ZNF536: variants seen among roughly 807,000 people sequenced by gnomAD.
ZNF536 encodes the protein zinc finger protein 536.
ZNF536 carries 13 observed loss-of-function variants against 84.5 expected under a neutral mutation model. The observed-to-expected ratio is 0.15, with a 90% confidence interval of 0.10 to 0.24. The LOEUF (loss-of-function observed/expected upper bound fraction) is 0.24, where lower values mean the gene tolerates loss of function less well. ZNF536 is among the 10% of genes least tolerant of loss of function. The probability of loss-of-function intolerance (pLI) is 1.00; values close to 1 mark genes in which losing one functional copy is unlikely to be tolerated. For synonymous variants in ZNF536, 811 were observed against 742.5 expected (o/e 1.09, Z -1.50); for missense variants, 1,536 against 1,747.5 (o/e 0.88, Z 2.16).
chr19:30,523,872 C>T (rs924880337), intron 2 of ZNF536, among the ~76,000 whole-genome samples: 8 of 152,146 alleles, frequency 5.3e-5, no homozygotes, highest in African/African-American at 1.2e-4. Context: ...GCATCCCAGC[C>T]GGGCCTGGTG....
chr19:30,404,914 G>C (rs188240470), intron 1 of ZNF536, among the ~76,000 whole-genome samples: 88 of 152,336 alleles, frequency 5.8e-4, no homozygotes, highest in African/African-American at 1.9e-3. Context: ...TCACGTTGGG[G>C]TTCCCATGAC....
upstream of ZNF536, among the ~76,000 whole-genome samples, chr19:30,372,193 CAG>C (rs1434022695): frequency 3.3e-5 from 5 of 152,144 alleles, no homozygotes; most frequent in African/African-American, 9.7e-5. Context: ...GGCCTCTGTA[CAG>C]AGAGAGTGAA....
chr19:30,548,014 G>C lies in ZNF536; in HGVS notation c.2395G>C (p.Glu799Gln), dbSNP rs1309184035. The C allele has an allele frequency of 1.9e-6, 3 of 1,612,952 alleles. No homozygotes were observed. Among genetic ancestry groups the C allele is most frequent in the South Asian group, 1.1e-5 (1 of 90,834 alleles). Residue 799 changes from glutamate (E) to glutamine (Q), a missense_variant, in exon 4 of 5, where the codon GAG becomes CAG. Around this residue, in one of 8 missense-constraint regions of ZNF536, gnomAD observed 148 missense variants for 205.4 expected, o/e 0.72. Transcript: ENST00000355537. The part of the protein sequence containing the change: ...TQSASLKYHL[E>Q]RHHRERQNGA... The stretch of plus-strand genomic sequence containing the variant: ...GTCAGCATCCTTAAAATACCACTTA[G>C]AGCGACACCATCGGGAGCGGCAGAA...
At chr19:30,681,905 C>G (rs548865800) in intron 1 of ZNF536, among the ~76,000 whole-genome samples, 1 of 152,176 alleles carries the variant, frequency 6.6e-6, no homozygotes, top group South Asian at 2.1e-4. Flanking sequence ...CTCCAACAGA[C>G]GTTAATTGTG....
chr19:30,306,420 C>G (rs2046345783), intron 2 of ZNF536, among the ~76,000 whole-genome samples: 1 of 152,186 alleles, frequency 6.6e-6, no homozygotes, highest in Non-Finnish European at 1.5e-5. Flanking sequence ...AAGCTAAGAT[C>G]TACAGACACA....
chr19:30,346,913 G>A (rs942404178), intron 2 of ZNF536, among the ~76,000 whole-genome samples: 5 of 151,830 alleles, frequency 3.3e-5, no homozygotes, highest in African/African-American at 1.2e-4. Flanking sequence ...GGTCTTTGAG[G>A]AATCAACACA....
chr19:30,700,205 T>TTCC (rs1568684544), intron 1 of ZNF536, among the ~76,000 whole-genome samples: 6 of 112,286 alleles, frequency 5.3e-5, no homozygotes, highest in African/African-American at 1.9e-4. Flanking sequence ...TCTTTCCTTC[T>TTCC]TTCTTTCCTT....
rs758984861 is a variant in ZNF536 at position 30,445,287 on chromosome 19, G to A, written c.1725G>A (p.Lys575=). ...TGTTAGTGGGAGCAGATGGCTCCAA[G>A]CAGAAAATGCCTGCTGATTTGGTTC... is the stretch of plus-strand genomic sequence containing the variant. The part of the protein sequence containing the change: ...EYVLVGADGS[K]QKMPADLVHS... Residue 575 remains lysine (K), a synonymous_variant, in exon 2 of 5, where the codon AAG becomes AAA. Transcript: ENST00000355537. This position sits in a 1 kb window ranked among gnomAD's most constrained non-coding sequence, Gnocchi z 4.5. 13 of 1,614,060 alleles carry A rather than the reference G, an allele frequency of 8.1e-6. No individual in the cohort carries two copies. Among genetic ancestry groups the A allele is most frequent in the South Asian group, 3.3e-5 (3 of 91,092 alleles).
At chr19:30,231,333 G>C (rs749019093) in intron 1 of ZNF536, among the ~76,000 whole-genome samples, 26 of 152,208 alleles carry the variant, frequency 1.7e-4, no homozygotes, top group African/African-American at 5.3e-4. Context: ...GTGGTCAGGT[G>C]GCATCTCTCA....
intron 1 of ZNF536, among the ~76,000 whole-genome samples, chr19:30,586,695 C>T (rs918380098): frequency 6.6e-6 from 1 of 152,170 alleles, no homozygotes; most frequent in Non-Finnish European, 1.5e-5. Flanking sequence ...TTCAACACAG[C>T]CTGCTTTTTG....
intron 2 of ZNF536, among the ~76,000 whole-genome samples, chr19:30,294,669 G>T (rs1454814838): frequency 6.6e-6 from 1 of 151,948 alleles, no homozygotes; most frequent in Non-Finnish European, 1.5e-5. Context: ...ACAGTGGGTG[G>T]CCAATGCCCC....
chr19:30,629,927 T>C (rs948012083), intron 1 of ZNF536, among the ~76,000 whole-genome samples: 12 of 152,206 alleles, frequency 7.9e-5, no homozygotes, highest in African/African-American at 2.9e-4. Flanking sequence ...AGCAACCCCG[T>C]GCCATCCAAA....
chr19:30,439,953 T>G (rs993630419), intron 1 of ZNF536, among the ~76,000 whole-genome samples: 22 of 140,386 alleles, frequency 1.6e-4, no homozygotes, highest in Non-Finnish European at 3.0e-4. Context: ...TTCTTTTTCT[T>G]TCTTTCTTTT....
chr19:30,679,541 C>A (rs2050885688), intron 1 of ZNF536, among the ~76,000 whole-genome samples: 1 of 152,194 alleles, frequency 6.6e-6, no homozygotes, highest in African/African-American at 2.4e-5. Flanking sequence ...CCTCCACGAA[C>A]TGCCCCCTCC....
At chr19:30,693,051 T>C (rs374439009) in intron 1 of ZNF536, among the ~76,000 whole-genome samples, 6 of 151,052 alleles carry the variant, frequency 4.0e-5, no homozygotes, top group African/African-American at 1.5e-4. Context: ...AGAGAGAGAG[T>C]GTGTGTATAC....
chr19:30,490,782 G>A (rs186352769), intron 2 of ZNF536, among the ~76,000 whole-genome samples: 50 of 152,284 alleles, frequency 3.3e-4, no homozygotes, highest in Admixed American at 5.9e-4. Context: ...AGTTTATTTT[G>A]GTATAAGAAA....
intron 4 of ZNF536, 109 bp from the exon 5 acceptor site, chr19:30,557,048 G>A: frequency 4.1e-6 from 5 of 1,216,228 alleles, no homozygotes; most frequent in South Asian, 1.4e-5. Flanking sequence ...ACACTTTATT[G>A]TCATTATTCC....
At chr19:30,287,709 AGTGGATGGATGG>A (rs2045695727) in intron 2 of ZNF536, among the ~76,000 whole-genome samples, 3 of 19,244 alleles carry the variant, frequency 1.6e-4, no homozygotes, top group African/African-American at 6.7e-4. Flanking sequence ...TGGATGGATG[AGTGGATGGATGG>A]GTGGGTGGGT....
chr19:30,370,723 T>C (rs569743223), upstream of ZNF536, among the ~76,000 whole-genome samples: 1 of 152,284 alleles, frequency 6.6e-6, no homozygotes, highest in East Asian at 1.9e-4. Context: ...ATGTAGCCAG[T>C]AGGTGAAACA....
Sources: gnomAD v4.1 joint callset for allele counts (sites outside exome capture counted in the v4.1 genomes callset) on GRCh38, gnomAD v4.1.1 for gene constraint, gnomAD v4.1.1 regional missense constraint, Gnocchi (gnomAD v3.1) non-coding constraint, MANE v1.5 for transcripts, NCBI Gene and HGNC (gene_info 2026-07-23, HGNC 2026-07-21) for gene names.